The following DMD variants were observed in gnomAD, a reference collection of about 807,000 sequenced individuals.
DMD encodes mutant dystrophin.
A neutral mutation model predicts 330.1 loss-of-function variants in DMD; 63 were observed. The ratio of observed to expected loss-of-function variants is 0.19; its 90% CI spans 0.16 to 0.24. The LOEUF (loss-of-function observed/expected upper bound fraction) is 0.24. DMD is among the 10% of genes least tolerant of loss of function. The probability of loss-of-function intolerance (pLI) is 1.00; values close to 1 mark genes in which losing one functional copy is unlikely to be tolerated. For synonymous variants in DMD, 1,223 were observed against 959.8 expected (o/e 1.27, Z -5.07); for missense variants, 3,344 against 2,684.1 (o/e 1.25, Z -5.43).
chrX:32,840,682 A>G (rs1392912432), intron 4 of DMD, among the ~76,000 whole-genome samples: 1 of 112,083 alleles, frequency 8.9e-6, no homozygotes, highest in Admixed American at 9.5e-5. Context: ...GAAAGAAATC[A>G]TAGTAGGTAT....
At chrX:32,788,380 G>T (rs954568902) in intron 7 of DMD, among the ~76,000 whole-genome samples, 2 of 111,554 alleles carry the variant, frequency 1.8e-5, no homozygotes, top group African/African-American at 6.5e-5. Context: ...ACTGATTTTG[G>T]CCGTTGTCCT....
chrX:31,434,422 A>G (rs181026791), intron 60 of DMD, among the ~76,000 whole-genome samples: 2,280 of 24,496 alleles, frequency 0.093, 49 homozygotes, highest in African/African-American at 0.11. Flanking sequence ...GCGCGCGCAC[A>G]CACACACACA....
intron 50 of DMD, among the ~76,000 whole-genome samples, chrX:31,808,702 G>C (rs1242770146): frequency 9.0e-6 from 1 of 110,867 alleles, no homozygotes; most frequent in Non-Finnish European, 1.9e-5. Context: ...TGAAAAAAAA[G>C]CTCAAATCGA....
chrX:31,175,794 C>G lies in DMD; in HGVS notation c.10262+2138G>C, dbSNP rs3747385. Among the ~76,000 whole-genome samples, 216 of 109,864 alleles carry G rather than the reference C, an allele frequency of 2.0e-3. 1 individual carries two copies. Among genetic ancestry groups the G allele is most frequent in the African/African-American group, 6.7e-3 (203 of 30,236 alleles). On this transcript the variant is annotated intron_variant, in intron 71 of 78. Transcript: ENST00000357033. The stretch of plus-strand genomic sequence containing the variant: ...CACCACCTTCTCTTTTATGAAAACT[C>G]TATTAATTAAAAGCTGACATTCATT...
intron 41 of DMD, 77 bp downstream of exon 41, chrX:32,342,023 T>C (rs200906188): frequency 7.7e-6 from 2 of 258,921 alleles, no homozygotes; most frequent in Non-Finnish European, 1.1e-5. Flanking sequence ...TTTTGTCTCT[T>C]TTTTTTTTAT....
Position 32,682,846 on chromosome X carries a change from G to A in DMD, c.960+15024C>T, listed in dbSNP as rs756671205. Among the ~76,000 whole-genome samples, 116 of 111,951 alleles carry A rather than the reference G, an allele frequency of 1.0e-3. 1 individual carries two copies. Among genetic ancestry groups the A allele is most frequent in the Non-Finnish European group, 1.5e-3 (78 of 53,220 alleles). On this transcript the variant is annotated intron_variant, in intron 9 of 78. Transcript: ENST00000357033. ...AGCAGATATGTCACTTCCAGTTCAAGCAATTAATTGCCAGCACAAGACCTT... is the reference window on the plus strand; with the variant it reads ...AGCAGATATGTCACTTCCAGTTCAAACAATTAATTGCCAGCACAAGACCTT...
At chrX:31,611,145 T>A (rs1269076398) in intron 55 of DMD, among the ~76,000 whole-genome samples, 1 of 109,385 alleles carries the variant, frequency 9.1e-6, no homozygotes, top group Non-Finnish European at 1.9e-5. Context: ...GGTCTAGTGG[T>A]TCTCAAATTT....
At chrX:31,495,540 AAAAC>A (rs749668028) in intron 57 of DMD, among the ~76,000 whole-genome samples, 86 of 112,290 alleles carry the variant, frequency 7.7e-4, no homozygotes, top group African/African-American at 2.5e-3. Flanking sequence ...AAATAAAAAT[AAAAC>A]AAACAAACAA....
rs189221711 is a variant in DMD, at chrX:32,966,038, A to G, written c.93+54101T>C. 1.3e-3 allele frequency among the ~76,000 whole-genome samples: 145 copies of G among 112,274 alleles called. 1 individual carries two copies. Among genetic ancestry groups the G allele is most frequent in the African/African-American group, 4.4e-3 (137 of 30,939 alleles). ...AGTGACATTGAATCATACTCAAAGC[A>G]AAGTATCTAAGATTCAGAGTAAGTA... On this transcript the variant is annotated intron_variant, in intron 2 of 78. Coordinates refer to ENST00000357033, the MANE Select transcript of DMD (RefSeq NM_004006.3).
At chrX:32,865,138 G>A (rs1000496804) in intron 2 of DMD, among the ~76,000 whole-genome samples, 2 of 111,579 alleles carry the variant, frequency 1.8e-5, no homozygotes, top group Non-Finnish European at 3.8e-5. Context: ...TGTGTCAGAC[G>A]AGGGGGATAG....
intron 1 of DMD, among the ~76,000 whole-genome samples, chrX:33,228,765 A>C (rs2052337740): frequency 9.3e-6 from 1 of 107,881 alleles, no homozygotes; most frequent in Admixed American, 9.9e-5. Context: ...GGAGTGGTAA[A>C]CATACACAGT....
At chrX:32,000,659 G>C (rs2095619925) in intron 44 of DMD, among the ~76,000 whole-genome samples, 1 of 111,443 alleles carries the variant, frequency 9.0e-6, no homozygotes, top group Admixed American at 9.6e-5. Flanking sequence ...TTTAGCACTT[G>C]GTTAAACTCC....
chrX:31,421,206 A>G (rs1339812129), intron 60 of DMD, among the ~76,000 whole-genome samples: 1 of 112,156 alleles, frequency 8.9e-6, no homozygotes, highest in Non-Finnish European at 1.9e-5. Flanking sequence ...CCTTGCAGAG[A>G]TAATGAAAAA....
Position 32,644,200 on chromosome X carries a change from T to C in DMD, c.1263A>G (p.Gln421=), listed in dbSNP as rs2146819736. The C allele has an allele frequency of 8.3e-7, 1 of 1,210,634 alleles. No individual in the cohort carries two copies. Among genetic ancestry groups the C allele is most frequent in the Non-Finnish European group, 1.1e-6 (1 of 894,426 alleles). Residue 421 remains glutamine (Q), a synonymous_variant, in exon 11 of 79, where the codon CAA becomes CAG. Transcript: ENST00000357033. ...TTGAATTTAGGAGATTCATCTGCTC[T>C]TGTACTTCAGTTTCTTCATCTTCTG... is the stretch of plus-strand genomic sequence containing the variant. The part of the protein sequence containing the change: ...KLSEDEETEV[Q]EQMNLLNSRW...
chrX:32,910,756 T>C (rs2087164276), intron 2 of DMD, among the ~76,000 whole-genome samples: 1 of 112,288 alleles, frequency 8.9e-6, no homozygotes, highest in African/African-American at 3.2e-5. Flanking sequence ...ACACACTTTC[T>C]TAGAAAGTTT....
intron 62 of DMD, among the ~76,000 whole-genome samples, chrX:31,299,770 G>A (rs1270677221): frequency 4.5e-5 from 3 of 66,038 alleles, no homozygotes; most frequent in African/African-American, 1.4e-4. Context: ...GGAAGACTCC[G>A]TCTTAAAAAA....
chrX:31,673,138 A>T (rs927710246), intron 53 of DMD, among the ~76,000 whole-genome samples: 1 of 112,286 alleles, frequency 8.9e-6, no homozygotes, highest in African/African-American at 3.2e-5. Context: ...TCTGGTGGCT[A>T]AAAGGCTGCT....
At chrX:31,786,495 G>T (rs780698215) in intron 50 of DMD, among the ~76,000 whole-genome samples, 1 of 110,763 alleles carries the variant, frequency 9.0e-6, no homozygotes, top group African/African-American at 3.3e-5. Flanking sequence ...GAAAATAATC[G>T]ATTTATTTTA....
chrX:33,229,473 C>T (rs1036548062), intron 1 of DMD, among the ~76,000 whole-genome samples: 4 of 111,572 alleles, frequency 3.6e-5, no homozygotes, highest in South Asian at 3.6e-4. Flanking sequence ...TTAGAAAAAA[C>T]GCACACTATT....
Sources: allele counts gnomAD v4.1 joint callset (sites outside exome capture counted in the v4.1 genomes callset), GRCh38; gene constraint gnomAD v4.1.1; transcripts MANE v1.5; gene names NCBI Gene and HGNC (gene_info 2026-07-23, HGNC 2026-07-21).